Variants in SNCAIP observed in about 807,000 individuals in gnomAD.
The protein encoded by SNCAIP is synphilin-1.
In SNCAIP, 43 loss-of-function variants were observed where a neutral mutation model predicts 86.7. That is an observed-to-expected ratio of 0.50 (90% CI 0.39 to 0.64). The LOEUF is 0.64. Ranked by LOEUF, SNCAIP falls within the 30% of genes least tolerant of loss-of-function variation. SNCAIP has a pLI of 0.00. For missense variants in SNCAIP, 981 were observed against 1,103.1 expected (o/e 0.89, Z 1.57); for synonymous variants, 417 against 427.2 (o/e 0.98, Z 0.29).
intron 3 of SNCAIP, among the ~76,000 whole-genome samples, chr5:122,409,817 T>G (rs1247533357): frequency 6.6e-6 from 1 of 152,224 alleles, no homozygotes; most frequent in Non-Finnish European, 1.5e-5. Context: ...ACATAGTTGG[T>G]GATGCTAAAT....
Position 122,431,999 on chromosome 5 carries a change from G to A in SNCAIP, c.1213G>A (p.Val405Met). The A allele has an allele frequency of 6.2e-7, 1 of 1,601,082 alleles. No individual in the cohort carries two copies. The highest frequency in any genetic ancestry group is 8.6e-7 in the Non-Finnish European group (1 of 1,168,424). ...TCAGTTGGAGTGCGTACGCTGGATG[G>A]TGAGCGAAACAGAAGCCATTGCAGA... Reference protein sequence around the residue: ...NGQLECVRWMVSETEAIAELS... With the variant: ...NGQLECVRWMMSETEAIAELS... Residue 405 changes from valine to methionine, a missense_variant, in exon 6 of 11, where the codon GTG becomes ATG. Coordinates refer to ENST00000261368, the MANE Select transcript of SNCAIP (RefSeq NM_005460.4).
At chr5:122,421,911 G>C (rs577036337) in intron 3 of SNCAIP, among the ~76,000 whole-genome samples, 2 of 151,604 alleles carry the variant, frequency 1.3e-5, no homozygotes, top group South Asian at 2.1e-4. Context: ...TTCACCTCCA[G>C]GTGTGTCTGG....
chr5:122,365,832 C>T (rs1050360826), intron 1 of SNCAIP, among the ~76,000 whole-genome samples: 1 of 152,098 alleles, frequency 6.6e-6, no homozygotes, highest in Non-Finnish European at 1.5e-5. Flanking sequence ...TCTCATCAGG[C>T]GGGATGCAGA....
Position 122,463,636 on chromosome 5 carries a change from A to G in SNCAIP, c.*140A>G. Reference sequence around the variant, plus strand: ...GGAAATTATTGGAAATTTCTGGACTATCCTCTTTGGAAAGAGAACCATGAA... The same window carrying G: ...GGAAATTATTGGAAATTTCTGGACTGTCCTCTTTGGAAAGAGAACCATGAA... On this transcript the variant is annotated 3_prime_UTR_variant, in exon 11 of 11. Transcript: ENST00000261368. 1 of 841,228 alleles carries G rather than the reference A, an allele frequency of 1.2e-6. No homozygotes were observed. Among genetic ancestry groups the G allele is most frequent in the Non-Finnish European group, 1.9e-6 (1 of 522,020 alleles). 52.1% of individuals were successfully genotyped at this position (841,228 alleles called of 1,614,324 possible).
rs73283444 is a variant in SNCAIP at position 122,338,564 on chromosome 5, A to G, written c.-47+26280A>G. On this transcript the variant is annotated intron_variant, in intron 1 of 10. Coordinates refer to ENST00000261368, the MANE Select transcript of SNCAIP (RefSeq NM_005460.4). The stretch of plus-strand genomic sequence containing the variant: ...CAGTTATACCATTTCGTATGCACAC[A>G]TATATAAAGTTATGCTGATATTGAC... Among the ~76,000 whole-genome samples, 1,466 of 152,324 alleles carry G rather than the reference A, an allele frequency of 9.6e-3. 22 individuals carry two copies. Among genetic ancestry groups the G allele is most frequent in the African/African-American group, 0.034 (1,403 of 41,562 alleles).
chr5:122,423,011 A>G lies in SNCAIP; in HGVS notation c.274A>G (p.Asn92Asp), dbSNP rs1776700482. 10 of 1,614,154 alleles carry G rather than the reference A, an allele frequency of 6.2e-6. No homozygotes were observed. The East Asian group carries it at 2.0e-4, about 32-fold the overall frequency. ...LKHQPETLEN[N>D]ESDDQKNQKV... is the part of the protein sequence containing the mutation. ...ACATCAGCCAGAGACTCTGGAGAAC[A>G]ATGAAAGTGATGACCAAAAGAACCA... Residue 92 changes from asparagine (N) to aspartate (D), a missense_variant, in exon 4 of 11, where the codon AAT (asparagine) becomes GAT (aspartate). Coordinates refer to ENST00000261368, the MANE Select transcript of SNCAIP (RefSeq NM_005460.4).
In SNCAIP at chr5:122,450,537, C is replaced by T. The variant is rs768631095; in HGVS notation, c.1690C>T (p.Pro564Ser). The change falls in exon 10 of 11, where the codon CCA becomes TCA. Residue 564 changes from proline to serine, a missense_variant. Coordinates refer to ENST00000261368, the MANE Select transcript of SNCAIP (RefSeq NM_005460.4). ...GKSLPSSPSS[P>S]SSPASRKSQW... is the part of the protein sequence containing the mutation. ...TGTCCTTCATCTTCTTTTTAGTTCA[C>T]CATCCTCACCTGCCTCCAGAAAGTC... 6 of 1,611,898 alleles carry T rather than the reference C, an allele frequency of 3.7e-6. No individual in the cohort carries two copies. The highest frequency in any genetic ancestry group is 5.1e-6 in the Non-Finnish European group (6 of 1,178,024).
At chr5:122,329,640 TG>T (rs1754856222) in intron 1 of SNCAIP, among the ~76,000 whole-genome samples, 1 of 152,176 alleles carries the variant, frequency 6.6e-6, no homozygotes, top group African/African-American at 2.4e-5. Flanking sequence ...TGAATAACTT[TG>T]GTGCAAAAAG....
At chr5:122,354,430 A>G (rs1266337570) in intron 1 of SNCAIP, among the ~76,000 whole-genome samples, 2 of 152,154 alleles carry the variant, frequency 1.3e-5, no homozygotes, top group Non-Finnish European at 2.9e-5. Context: ...AGAGTGCCCA[A>G]TATTTCTGTG....
chr5:122,463,459 T>G, intron 10 of SNCAIP, 32 bp from the exon 11 acceptor site: 1 of 1,279,348 alleles, frequency 7.8e-7, no homozygotes, highest in Non-Finnish European at 1.1e-6. Context: ...TAGTTTTATC[T>G]AATTTTGGCC....
chr5:122,448,824 G>A (rs1332598728), intron 8 of SNCAIP, among the ~76,000 whole-genome samples: 1 of 149,012 alleles, frequency 6.7e-6, no homozygotes, highest in Non-Finnish European at 1.5e-5. Flanking sequence ...AGACCATCCC[G>A]ACTAACAAGG....
At chr5:122,355,990 T>A (rs1760921664) in intron 1 of SNCAIP, among the ~76,000 whole-genome samples, 1 of 152,140 alleles carries the variant, frequency 6.6e-6, no homozygotes, top group Non-Finnish European at 1.5e-5. Context: ...TCAGAATAAC[T>A]TTTTCTGAAG....
At chr5:122,370,977 T>A (rs1362108170) in intron 1 of SNCAIP, among the ~76,000 whole-genome samples, 5 of 152,166 alleles carry the variant, frequency 3.3e-5, no homozygotes, top group Non-Finnish European at 5.9e-5. Flanking sequence ...GGCTATATGC[T>A]GCCTGCTGTT....
At chr5:122,455,127 G>A (rs1317206512) in intron 10 of SNCAIP, among the ~76,000 whole-genome samples, 2 of 152,144 alleles carry the variant, frequency 1.3e-5, no homozygotes, top group African/African-American at 4.8e-5. Context: ...TCATTACCCT[G>A]TAAATTAACC....
chr5:122,414,407 G>A (rs1267677822), intron 3 of SNCAIP, among the ~76,000 whole-genome samples: 1 of 151,694 alleles, frequency 6.6e-6, no homozygotes, highest in East Asian at 1.9e-4. Flanking sequence ...ATTTTTGTAT[G>A]TTTAATAGAG....
chr5:122,336,465 G>A (rs1756485959), intron 1 of SNCAIP, among the ~76,000 whole-genome samples: 1 of 152,148 alleles, frequency 6.6e-6, no homozygotes, highest in Non-Finnish European at 1.5e-5. Context: ...TCTAGTCCCT[G>A]GACCATAGAG....
intron 1 of SNCAIP, among the ~76,000 whole-genome samples, chr5:122,359,349 T>TTTTTTTATTTATTTATTTA (rs372903978): frequency 2.1e-5 from 3 of 142,182 alleles, no homozygotes; most frequent in East Asian, 4.1e-4. Flanking sequence ...AGATTTTTAT[T>TTTTTTTATTTATTTATTTA]TTTATTTATT....
chr5:122,387,830 A>T (rs1387611048), intron 1 of SNCAIP, among the ~76,000 whole-genome samples: 2 of 152,266 alleles, frequency 1.3e-5, no homozygotes, highest in African/African-American at 4.8e-5. Context: ...GTGAAAGCAC[A>T]AATTGTGATG....
At chr5:122,423,822 T>G in intron 4 of SNCAIP, 83 bp downstream of exon 4, 1 of 1,256,430 alleles carries the variant, frequency 8.0e-7, no homozygotes, top group Non-Finnish European at 1.1e-6. Context: ...AACAGAACGA[T>G]GCTGCATTTG....
Sources: gnomAD v4.1 joint callset for allele counts (sites outside exome capture counted in the v4.1 genomes callset) on GRCh38, gnomAD v4.1.1 for gene constraint, MANE v1.5 for transcripts, NCBI Gene and HGNC (gene_info 2026-07-23, HGNC 2026-07-21) for gene names.